Variants in PRMT3 observed in about 807,000 individuals in gnomAD.
PRMT3 encodes the protein protein arginine N-methyltransferase 3.
A neutral mutation model predicts 71.9 loss-of-function variants in PRMT3; 62 were observed. The ratio of observed to expected loss-of-function variants is 0.86; its 90% CI spans 0.70 to 1.07. PRMT3 has a LOEUF of 1.07. Ranked by LOEUF, PRMT3 falls within the 50% of genes least tolerant of loss-of-function variation. The pLI is 0.00. For missense variants in PRMT3, 663 were observed against 643.0 expected (o/e 1.03, Z -0.34); for synonymous variants, 213 against 220.4 (o/e 0.97, Z 0.30).
chr11:20,426,189 C>T (rs565265916), intron 9 of PRMT3, among the ~76,000 whole-genome samples: 52 of 152,294 alleles, frequency 3.4e-4, no homozygotes, highest in Admixed American at 7.8e-4. Flanking sequence ...ATGATAGTGT[C>T]ATTGTTTATA....
At chr11:20,494,277 A>T (rs1471713655) in intron 15 of PRMT3, 23 bp downstream of exon 15, 1 of 1,495,492 alleles carries the variant, frequency 6.7e-7, no homozygotes, top group East Asian at 2.3e-5. Flanking sequence ...AGTAGGGGGG[A>T]AGTATCTTAT....
chr11:20,483,881 A>C (rs940426354), intron 13 of PRMT3, among the ~76,000 whole-genome samples: 1 of 152,194 alleles, frequency 6.6e-6, no homozygotes, highest in Non-Finnish European at 1.5e-5. Context: ...GTATTGTATT[A>C]GTGGGAAGTA....
chr11:20,411,776 A>G (rs1272744126), intron 9 of PRMT3, among the ~76,000 whole-genome samples: 7 of 152,290 alleles, frequency 4.6e-5, no homozygotes, highest in Non-Finnish European at 7.4e-5. Flanking sequence ...GCAAAAAATA[A>G]TCACATTTTA....
At chr11:20,422,916 G>A (rs1222613367) in intron 9 of PRMT3, among the ~76,000 whole-genome samples, 1 of 152,164 alleles carries the variant, frequency 6.6e-6, no homozygotes, top group Non-Finnish European at 1.5e-5. Flanking sequence ...GCTTCTTACT[G>A]TGTGAATTGA....
intron 10 of PRMT3, among the ~76,000 whole-genome samples, chr11:20,434,464 G>A (rs187909267): frequency 5.6e-4 from 86 of 152,236 alleles, no homozygotes; most frequent in African/African-American, 1.9e-3. Flanking sequence ...CCTATGTCCA[G>A]GATGGTATTG....
intron 13 of PRMT3, 145 bp from the exon 14 acceptor site, chr11:20,493,774 A>G (rs1205601436): frequency 8.0e-5 from 49 of 614,006 alleles, no homozygotes; most frequent in Middle Eastern, 4.4e-4. Context: ...TACTTACAAC[A>G]TCTTTTCCAG....
intron 5 of PRMT3, among the ~76,000 whole-genome samples, chr11:20,394,131 A>C (rs1339358976): frequency 2.6e-5 from 4 of 152,224 alleles, no homozygotes; most frequent in Non-Finnish European, 4.4e-5. Context: ...CAACTAAAAA[A>C]TGAATAGGAA....
At chr11:20,470,871 C>CGTT (rs1555019289) in intron 13 of PRMT3, among the ~76,000 whole-genome samples, 1 of 152,108 alleles carries the variant, frequency 6.6e-6, no homozygotes, top group Non-Finnish European at 1.5e-5. Context: ...ATGTAAACAG[C>CGTT]GTTCCTCCTT....
chr11:20,475,804 G>A (rs1486318100), intron 13 of PRMT3, among the ~76,000 whole-genome samples: 4 of 151,614 alleles, frequency 2.6e-5, no homozygotes, highest in East Asian at 4.0e-4. Context: ...ACAGGCAGAC[G>A]CCACCACGCC....
At chr11:20,463,209 A>G (rs1280662283) in intron 12 of PRMT3, among the ~76,000 whole-genome samples, 1 of 152,248 alleles carries the variant, frequency 6.6e-6, no homozygotes, top group East Asian at 1.9e-4. Flanking sequence ...TATTTAGTAC[A>G]TATTTAATTT....
At chr11:20,417,715 G>A (rs1849338110) in intron 9 of PRMT3, among the ~76,000 whole-genome samples, 1 of 151,664 alleles carries the variant, frequency 6.6e-6, no homozygotes, top group Non-Finnish European at 1.5e-5. Context: ...ACTATCTCTT[G>A]TTGCTCTAGT....
chr11:20,436,291 T>C (rs1422223691), intron 10 of PRMT3, among the ~76,000 whole-genome samples: 1 of 152,244 alleles, frequency 6.6e-6, no homozygotes. Flanking sequence ...CCTTTATTTC[T>C]TTCTCTTGCC....
chr11:20,476,337 G>A (rs189564299), intron 13 of PRMT3, among the ~76,000 whole-genome samples: 36 of 152,230 alleles, frequency 2.4e-4, no homozygotes, highest in Non-Finnish European at 4.6e-4. Flanking sequence ...TGGCAATAGA[G>A]CAAAAACTCC....
At chr11:20,404,311 G>A (rs1206597682) in intron 8 of PRMT3, among the ~76,000 whole-genome samples, 1 of 127,272 alleles carries the variant, frequency 7.9e-6, no homozygotes, top group Non-Finnish European at 1.6e-5. Context: ...TCCGTTCACT[G>A]CAACCTCCGC....
At chr11:20,402,829 A>G (rs1335718500) in intron 7 of PRMT3, 90 bp from the exon 8 acceptor site, 2 of 914,776 alleles carry the variant, frequency 2.2e-6, no homozygotes, top group African/African-American at 1.7e-5. Flanking sequence ...GGAAACTAGC[A>G]ATGTGTGTTA....
At chr11:20,489,948 CAGAAA>C (rs965107734) in intron 13 of PRMT3, among the ~76,000 whole-genome samples, 5 of 149,296 alleles carry the variant, frequency 3.3e-5, no homozygotes, top group South Asian at 2.2e-4. Context: ...AAGAATCACA[CAGAAA>C]AGAAAAGAAA....
intron 10 of PRMT3, among the ~76,000 whole-genome samples, chr11:20,428,931 G>C (rs1171652220): frequency 6.6e-6 from 1 of 152,172 alleles, no homozygotes; most frequent in Non-Finnish European, 1.5e-5. Context: ...TGCAACCCCA[G>C]CCCTGGGTTC....
At chr11:20,452,248 C>G (rs985172292) in intron 11 of PRMT3, 40 bp downstream of exon 11, 1 of 1,458,948 alleles carries the variant, frequency 6.9e-7, no homozygotes, top group South Asian at 1.1e-5. Flanking sequence ...TAATTTTAGT[C>G]TAGCAGAACC....
chr11:20,437,538 C>T (rs1321180910), intron 10 of PRMT3, among the ~76,000 whole-genome samples: 1 of 151,204 alleles, frequency 6.6e-6, no homozygotes, highest in Admixed American at 6.6e-5. Context: ...ATATGAGTGA[C>T]TCAGTGGTAT....
Sources: gnomAD v4.1 joint callset for allele counts (sites outside exome capture counted in the v4.1 genomes callset) on GRCh38, gnomAD v4.1.1 for gene constraint, MANE v1.5 for transcripts, NCBI Gene and HGNC (gene_info 2026-07-23, HGNC 2026-07-21) for gene names.